GUCY2C: variants seen among roughly 807,000 people sequenced by gnomAD.
The protein encoded by GUCY2C is guanylate cyclase 2C.
GUCY2C carries 118 observed loss-of-function variants against 131.1 expected under a neutral mutation model. That is an observed-to-expected ratio of 0.90 (90% CI 0.78 to 1.05). GUCY2C has a LOEUF of 1.05. Among genes scored for constraint, GUCY2C ranks in the 50% least tolerant of loss-of-function variants. The probability of loss-of-function intolerance (pLI) is 0.00; values close to 1 mark genes in which losing one functional copy is unlikely to be tolerated. For synonymous variants in GUCY2C, 452 were observed against 457.8 expected (o/e 0.99, Z 0.16); for missense variants, 1,161 against 1,304.4 (o/e 0.89, Z 1.69).
intron 15 of GUCY2C, among the ~76,000 whole-genome samples, chr12:14,647,337 T>C (rs534551525): frequency 6.6e-6 from 1 of 152,300 alleles, no homozygotes; most frequent in South Asian, 2.1e-4. Context: ...TGTGTATGTA[T>C]ATGTTTTTCC....
chr12:14,621,155 C>T lies in GUCY2C; in HGVS notation c.2663G>A (p.Arg888Gln), dbSNP rs373549158. ...ASGLPKRNGN[R>Q]HAIDIAKMAL... is the part of the protein sequence containing the mutation. ...CATCTTGGCAATGTCTATTGCATGC[C>T]GATTGCCATTTCTCTTAGGCAAACC... The change falls in exon 23 of 27, where the codon CGG becomes CAG. Residue 888 changes from arginine to glutamine, a missense_variant. Arg to Gln is a conservative substitution (Grantham distance 43). Coordinates refer to ENST00000261170, the MANE Select transcript of GUCY2C (RefSeq NM_004963.4). The T allele has an allele frequency of 3.3e-5, 53 of 1,613,182 alleles. 1 individual carries two copies. In the East Asian group the frequency reaches 7.6e-4, roughly 23 times the overall value.
chr12:14,689,033 T>C (rs1283903582), intron 1 of GUCY2C, among the ~76,000 whole-genome samples: 1 of 152,174 alleles, frequency 6.6e-6, no homozygotes, highest in Non-Finnish European at 1.5e-5. Flanking sequence ...AGAAATGATA[T>C]TGTCTGACTA....
At chr12:14,674,055 A>C (rs7132620) in intron 8 of GUCY2C, among the ~76,000 whole-genome samples, 2,100 of 152,326 alleles carry the variant, frequency 0.014, 50 homozygotes, top group African/African-American at 0.047. Context: ...TCTTTGACTT[A>C]GTATACATTA....
chr12:14,684,549 CTCTT>C (rs1211343005), intron 3 of GUCY2C, among the ~76,000 whole-genome samples: 5 of 145,996 alleles, frequency 3.4e-5, no homozygotes, highest in East Asian at 2.0e-4. Flanking sequence ...TCTCCTCTCT[CTCTT>C]TCTTTCTTTC....
At chr12:14,681,245 ATGAG>A (rs1948341197) in intron 5 of GUCY2C, 107 bp downstream of exon 5, 2 of 871,426 alleles carry the variant, frequency 2.3e-6, no homozygotes, top group Non-Finnish European at 3.6e-6. Context: ...CAAAATATGT[ATGAG>A]TAAGGATGAT....
chr12:14,648,122 G>A (rs527959882), intron 15 of GUCY2C, among the ~76,000 whole-genome samples: 23 of 151,862 alleles, frequency 1.5e-4, no homozygotes, highest in African/African-American at 1.9e-4. Flanking sequence ...CATCATGCCC[G>A]GCTAATTTTT....
At chr12:14,637,413 T>C (rs1342209436) in intron 19 of GUCY2C, among the ~76,000 whole-genome samples, 1 of 152,208 alleles carries the variant, frequency 6.6e-6, no homozygotes, top group Non-Finnish European at 1.5e-5. Flanking sequence ...CACTGTCATT[T>C]TCCCACAGAA....
chr12:14,656,744 T>A, intron 11 of GUCY2C, 127 bp from the exon 12 acceptor site: 1 of 517,776 alleles, frequency 1.9e-6, no homozygotes, highest in Non-Finnish European at 3.5e-6. Context: ...GGTAGCCCAA[T>A]GACAGAACAC....
At chr12:14,634,369 T>A (rs1489769728) in intron 19 of GUCY2C, among the ~76,000 whole-genome samples, 1 of 152,122 alleles carries the variant, frequency 6.6e-6, no homozygotes, top group Non-Finnish European at 1.5e-5. Flanking sequence ...AGACCTCCCC[T>A]ACAAGAAATG....
At chr12:14,685,276 T>A (rs1948447441) in intron 3 of GUCY2C, among the ~76,000 whole-genome samples, 1 of 152,154 alleles carries the variant, frequency 6.6e-6, no homozygotes. Context: ...TCTGTCCGCA[T>A]TTTGGTATGG....
At chr12:14,662,546 G>T (rs1289628408) in intron 10 of GUCY2C, among the ~76,000 whole-genome samples, 2 of 151,764 alleles carry the variant, frequency 1.3e-5, no homozygotes, top group Non-Finnish European at 2.9e-5. Flanking sequence ...CGTGGTGGTG[G>T]GTGCCTGTAA....
chr12:14,694,836 C>T (rs1948629589), intron 1 of GUCY2C, among the ~76,000 whole-genome samples: 1 of 152,134 alleles, frequency 6.6e-6, no homozygotes, highest in Non-Finnish European at 1.5e-5. Flanking sequence ...ATTAAATACT[C>T]ATTGACTCAA....
chr12:14,618,078 A>G (rs1199999487), intron 24 of GUCY2C, among the ~76,000 whole-genome samples: 1 of 152,140 alleles, frequency 6.6e-6, no homozygotes. Flanking sequence ...TCTCTTCTAT[A>G]TATTTCTACT....
chr12:14,678,744 G>A (rs377699316), intron 6 of GUCY2C, among the ~76,000 whole-genome samples: 1 of 152,300 alleles, frequency 6.6e-6, no homozygotes, highest in Admixed American at 6.5e-5. Flanking sequence ...TAATGGCCCA[G>A]TCAGATAAGT....
chr12:14,695,338 C>T (rs541255084), intron 1 of GUCY2C, among the ~76,000 whole-genome samples: 2 of 152,112 alleles, frequency 1.3e-5, no homozygotes, highest in South Asian at 4.2e-4. Context: ...CAATGAAGAA[C>T]TGCAACAATG....
At chr12:14,644,558 G>C (rs1486041025) in intron 16 of GUCY2C, among the ~76,000 whole-genome samples, 1 of 152,070 alleles carries the variant, frequency 6.6e-6, no homozygotes, top group East Asian at 1.9e-4. Context: ...AGTTAAGACT[G>C]TATCAAACAG....
intron 19 of GUCY2C, among the ~76,000 whole-genome samples, chr12:14,637,427 GA>G (rs1565612617): frequency 6.6e-6 from 1 of 151,962 alleles, no homozygotes; most frequent in Non-Finnish European, 1.5e-5. Context: ...CACAGAAATG[GA>G]AAAAACAATC....
At chr12:14,664,348 G>C (rs1947927022) in intron 10 of GUCY2C, among the ~76,000 whole-genome samples, 1 of 152,060 alleles carries the variant, frequency 6.6e-6, no homozygotes, top group Non-Finnish European at 1.5e-5. Flanking sequence ...CAACAGTGTA[G>C]ATAATCCCAC....
At position 14,628,666 on chromosome 12, in the gene GUCY2C, A is replaced by G. The variant is rs1373456715; in HGVS notation, c.2229T>C (p.Thr743=). The change falls in exon 20 of 27, where the codon ACT becomes ACC. Residue 743 remains threonine (T), a synonymous_variant. Coordinates refer to ENST00000261170, the MANE Select transcript of GUCY2C (RefSeq NM_004963.4). ...EKRPDFKKIE[T]TLAKIFGLFH... ...AATACCCAAATATCTTGGCAAGTGT[A>G]GTCTCAATTTTTTTGAAATCTGGTC... 2.6e-6 allele frequency: 4 copies of G among 1,559,052 alleles called. No individual in the cohort carries two copies. Among genetic ancestry groups the G allele is most frequent in the Admixed American group, 1.7e-5 (1 of 59,938 alleles).
Sources: gnomAD v4.1 joint callset for allele counts (sites outside exome capture counted in the v4.1 genomes callset) on GRCh38, gnomAD v4.1.1 for gene constraint, MANE v1.5 for transcripts, NCBI Gene and HGNC (gene_info 2026-07-23, HGNC 2026-07-21) for gene names.